Variants in FGF12 observed in about 807,000 individuals in gnomAD.
FGF12 encodes fibroblast growth factor 12, also known as fibroblast growth factor 12B.
FGF12 carries 14 observed loss-of-function variants against 23.6 expected under a neutral mutation model. That is an observed-to-expected ratio of 0.59 (90% CI 0.39 to 0.93). The LOEUF is 0.93. FGF12 is among the 40% of genes least tolerant of loss of function. The pLI is 0.00. For missense variants in FGF12, 175 were observed against 217.8 expected, an observed-to-expected ratio of 0.80 and a Z score of 1.24; for synonymous variants, 62 against 77.3, an observed-to-expected ratio of 0.80 and a Z score of 1.04.
chr3:192,683,681 C>A (rs1717625955), intron 2 of FGF12, among the ~76,000 whole-genome samples: 1 of 152,066 alleles, frequency 6.6e-6, no homozygotes, highest in South Asian at 2.1e-4. Flanking sequence ...TTGAATAAAG[C>A]CCTGCCTAAT....
At chr3:192,450,331 C>A (rs1345529890) in intron 2 of FGF12, among the ~76,000 whole-genome samples, 1 of 152,120 alleles carries the variant, frequency 6.6e-6, no homozygotes, top group African/African-American at 2.4e-5. Flanking sequence ...CCAGGACTAC[C>A]CATTACACAG....
intron 2 of FGF12, among the ~76,000 whole-genome samples, chr3:192,670,911 C>T (rs1179008951): frequency 6.6e-6 from 1 of 152,104 alleles, no homozygotes; most frequent in Non-Finnish European, 1.5e-5. Context: ...TTTCCAGGTA[C>T]AGTGAAGATA....
intron 2 of FGF12, among the ~76,000 whole-genome samples, chr3:192,636,867 C>G (rs954529466): frequency 2.6e-5 from 4 of 151,996 alleles, no homozygotes; most frequent in Non-Finnish European, 4.4e-5. Flanking sequence ...TCAGTGTGGC[C>G]AGGGTACTAA....
At chr3:192,578,017 T>C (rs1228563377) in intron 2 of FGF12, among the ~76,000 whole-genome samples, 4 of 152,168 alleles carry the variant, frequency 2.6e-5, no homozygotes, top group Non-Finnish European at 4.4e-5. Flanking sequence ...AAAGGGGTTA[T>C]GGTTGGCGGG....
At chr3:192,337,031 T>G (rs958798008) in intron 3 of FGF12, among the ~76,000 whole-genome samples, 1 of 152,152 alleles carries the variant, frequency 6.6e-6, no homozygotes, top group Non-Finnish European at 1.5e-5. Flanking sequence ...CAATTTAGAT[T>G]TGAACTGGTT....
chr3:192,727,367 C>A, intron 1 of FGF12, 44 bp from the exon 2 acceptor site: 5 of 1,513,802 alleles, frequency 3.3e-6, no homozygotes, highest in Non-Finnish European at 4.4e-6. Context: ...CAATCAGCCA[C>A]CAAAGGACAC....
intron 4 of FGF12, among the ~76,000 whole-genome samples, chr3:192,184,301 T>G (rs1367293323): frequency 6.6e-6 from 1 of 152,210 alleles, no homozygotes; most frequent in African/African-American, 2.4e-5. Context: ...GTGCTTCGGT[T>G]AATATAATAG....
chr3:192,404,513 G>A (rs1291289011), intron 2 of FGF12, among the ~76,000 whole-genome samples: 4 of 152,110 alleles, frequency 2.6e-5, no homozygotes, highest in South Asian at 2.1e-4. Flanking sequence ...TAATTCATAC[G>A]GATGTACTAA....
At chr3:192,493,764 G>T (rs1723869251) in intron 2 of FGF12, among the ~76,000 whole-genome samples, 2 of 152,134 alleles carry the variant, frequency 1.3e-5, no homozygotes, top group Non-Finnish European at 2.9e-5. Flanking sequence ...CTCAGGAGAA[G>T]TCACTGTTGC....
intron 2 of FGF12, among the ~76,000 whole-genome samples, chr3:192,496,597 G>A (rs1723965087): frequency 6.6e-6 from 1 of 152,016 alleles, no homozygotes. Flanking sequence ...AAAACTCTTA[G>A]AGAAAGATTT....
chr3:192,383,319 C>G (rs1344699359), intron 2 of FGF12, among the ~76,000 whole-genome samples: 1 of 152,078 alleles, frequency 6.6e-6, no homozygotes, highest in Non-Finnish European at 1.5e-5. Context: ...GCTGCACATG[C>G]TATAATAAAG....
chr3:192,376,512 G>C (rs1719514024), intron 2 of FGF12, among the ~76,000 whole-genome samples: 1 of 151,910 alleles, frequency 6.6e-6, no homozygotes, highest in Non-Finnish European at 1.5e-5. Flanking sequence ...ACAGGCATGT[G>C]TCACCACGCC....
chr3:192,410,683 G>A (rs1306249510), intron 2 of FGF12, among the ~76,000 whole-genome samples: 1 of 152,118 alleles, frequency 6.6e-6, no homozygotes, highest in African/African-American at 2.4e-5. Flanking sequence ...GGTTCTGTCT[G>A]GAAAGCTGCA....
chr3:192,378,080 T>G (rs2692697), intron 2 of FGF12, among the ~76,000 whole-genome samples: 21,235 of 105,288 alleles, frequency 0.2, 3,067 homozygotes, highest in Middle Eastern at 0.31. Context: ...CTTTCTTTCT[T>G]TCTTTCTTTC....
At chr3:192,493,712 A>G (rs904020110) in intron 2 of FGF12, among the ~76,000 whole-genome samples, 1 of 152,120 alleles carries the variant, frequency 6.6e-6, no homozygotes, top group Non-Finnish European at 1.5e-5. Context: ...GGAGGAAGAG[A>G]GAGAAAAGGG....
At chr3:192,489,496 G>A (rs1723736230) in intron 2 of FGF12, among the ~76,000 whole-genome samples, 1 of 151,982 alleles carries the variant, frequency 6.6e-6, no homozygotes, top group Non-Finnish European at 1.5e-5. Context: ...TTAGTCCCAG[G>A]TAACTAATCA....
intron 3 of FGF12, among the ~76,000 whole-genome samples, chr3:192,347,410 G>C (rs965743558): frequency 2.6e-5 from 4 of 152,154 alleles, no homozygotes; most frequent in Non-Finnish European, 5.9e-5. Context: ...GAAGTGCTGT[G>C]TGCTTGGTTC....
intron 2 of FGF12, among the ~76,000 whole-genome samples, chr3:192,555,162 T>C (rs1451588291): frequency 6.6e-6 from 1 of 152,138 alleles, no homozygotes; most frequent in African/African-American, 2.4e-5. Flanking sequence ...TGGAAAGAAA[T>C]GAATATCCAT....
intron 2 of FGF12, among the ~76,000 whole-genome samples, chr3:192,431,802 C>T (rs572777487): frequency 3.3e-5 from 5 of 152,268 alleles, no homozygotes; most frequent in Admixed American, 1.3e-4. Context: ...CCTAACTTGT[C>T]CCATTGCTTA....
Sources: allele counts gnomAD v4.1 joint callset (sites outside exome capture counted in the v4.1 genomes callset), GRCh38; gene constraint gnomAD v4.1.1; transcripts MANE v1.5; gene names NCBI Gene and HGNC (gene_info 2026-07-23, HGNC 2026-07-21).